The following PARD3 variants were observed in gnomAD, a reference collection of about 807,000 sequenced individuals.
The protein encoded by PARD3 is partitioning defective 3 homolog.
Under a neutral mutation model 155.4 loss-of-function variants are expected in PARD3, and 75 were observed. The observed-to-expected ratio is 0.48, with a 90% CI of 0.40 to 0.58. PARD3 has a LOEUF of 0.58. Among genes scored for constraint, PARD3 ranks in the 20% least tolerant of loss-of-function variants. PARD3 has a pLI of 0.00. For missense variants in PARD3, 1,642 were observed against 1,721.7 expected, an observed-to-expected ratio of 0.95 and a Z score of 0.82; for synonymous variants, 576 against 610.5, an observed-to-expected ratio of 0.94 and a Z score of 0.83.
Position 34,455,094 on chromosome 10 carries a change from C to T in PARD3, c.583-4646G>A, listed in dbSNP as rs898367424. Among the ~76,000 whole-genome samples, 6 of 152,200 alleles carry T rather than the reference C, an allele frequency of 3.9e-5. No homozygotes were observed. In the South Asian group the frequency reaches 1.2e-3, roughly 31 times the overall value. On this transcript the variant is annotated intron_variant, in intron 4 of 24. Coordinates refer to ENST00000374788, the MANE Select transcript of PARD3 (RefSeq NM_001184785.2). ...GATTTCTTGGCAAGACTATATCCCT[C>T]TGTTGCAGAAGTCAGAACTGGGGTT...
At chr10:34,233,447 G>C (rs1953046206) in intron 22 of PARD3, among the ~76,000 whole-genome samples, 1 of 151,870 alleles carries the variant, frequency 6.6e-6, no homozygotes, top group South Asian at 2.1e-4. Context: ...CCATTTCCAT[G>C]GTTTTAAATA....
intron 2 of PARD3, among the ~76,000 whole-genome samples, chr10:34,650,734 G>A (rs116464020): frequency 0.017 from 2,592 of 152,166 alleles, 71 homozygotes; most frequent in African/African-American, 0.059. Flanking sequence ...CAGTCCAGCC[G>A]GGCACAGCGG....
chr10:34,201,288 A>G (rs1234879685), intron 22 of PARD3, among the ~76,000 whole-genome samples: 1 of 152,226 alleles, frequency 6.6e-6, no homozygotes, highest in Non-Finnish European at 1.5e-5. Context: ...CTGTTCACTA[A>G]TACTTCTGTT....
rs569343716 is a variant in PARD3 at position 34,611,015 on chromosome 10, T to TA, written c.222+85302dup. Among the ~76,000 whole-genome samples the TA allele has an allele frequency of 1.4e-4, 21 of 152,268 alleles. 1 individual carries two copies. The East Asian group carries it at 3.5e-3, about 25-fold the overall frequency. On this transcript the variant is annotated intron_variant, in intron 2 of 24. Coordinates refer to ENST00000374788, the MANE Select transcript of PARD3 (RefSeq NM_001184785.2). ...AAGTAAGTTGCTTTCTTTTCCTTTT[T>TA]AAAAAATACCTAGTTGCTGAAAATA...
chr10:34,345,454 T>C (rs1185464492), intron 15 of PARD3: 1 of 985,132 alleles, frequency 1.0e-6, no homozygotes, highest in African/African-American at 1.7e-5. Flanking sequence ...GTTCCTTTTG[T>C]ATCATAGCAG....
intron 4 of PARD3, among the ~76,000 whole-genome samples, chr10:34,460,184 A>T (rs932195596): frequency 3.9e-5 from 6 of 152,178 alleles, no homozygotes; most frequent in Non-Finnish European, 8.8e-5. Context: ...CATGTTCTCT[A>T]AAAAGGATAT....
chr10:34,522,725 C>T (rs543656298), intron 2 of PARD3, among the ~76,000 whole-genome samples: 101 of 152,258 alleles, frequency 6.6e-4, no homozygotes, highest in African/African-American at 2.4e-3. Context: ...AAATGAAGAC[C>T]TTCCACAGAC....
chr10:34,664,999 G>A (rs1303266106), intron 2 of PARD3, among the ~76,000 whole-genome samples: 2 of 151,866 alleles, frequency 1.3e-5, no homozygotes, highest in Non-Finnish European at 2.9e-5. Flanking sequence ...AAGAGAGAGG[G>A]AGAGACAGAG....
At chr10:34,743,063 T>A (rs1449424602) in intron 1 of PARD3, among the ~76,000 whole-genome samples, 1 of 152,244 alleles carries the variant, frequency 6.6e-6, no homozygotes, top group Non-Finnish European at 1.5e-5. Flanking sequence ...GAAGGCCTAA[T>A]AGTATGCACT....
chr10:34,642,869 G>A (rs12249498), intron 2 of PARD3, among the ~76,000 whole-genome samples: 3,049 of 152,122 alleles, frequency 0.02, 78 homozygotes, highest in African/African-American at 0.06. Context: ...CCTTATTAAC[G>A]CTCAAGCCTG....
At chr10:34,442,559 A>G (rs927876316) in intron 5 of PARD3, among the ~76,000 whole-genome samples, 1 of 152,162 alleles carries the variant, frequency 6.6e-6, no homozygotes, top group Non-Finnish European at 1.5e-5. Context: ...AAGGCCTCAC[A>G]TTCGTTAAAA....
intron 22 of PARD3, among the ~76,000 whole-genome samples, chr10:34,190,840 C>T (rs895556907): frequency 2.6e-5 from 4 of 151,820 alleles, no homozygotes; most frequent in Non-Finnish European, 4.4e-5. Context: ...TGGAGGATGC[C>T]GGTGGGGAGG....
chr10:34,184,036 T>C (rs1950379807), intron 22 of PARD3, among the ~76,000 whole-genome samples: 1 of 152,184 alleles, frequency 6.6e-6, no homozygotes, highest in Non-Finnish European at 1.5e-5. Flanking sequence ...CAGGCTGGTC[T>C]CTAACTCCTA....
At chr10:34,622,202 A>T (rs1241199321) in intron 2 of PARD3, among the ~76,000 whole-genome samples, 2 of 152,242 alleles carry the variant, frequency 1.3e-5, no homozygotes, top group Non-Finnish European at 2.9e-5. Context: ...TATAAAACTC[A>T]ATTTGGAAAA....
chr10:34,567,458 G>A (rs902466262), intron 2 of PARD3, among the ~76,000 whole-genome samples: 11 of 152,166 alleles, frequency 7.2e-5, no homozygotes, highest in African/African-American at 1.4e-4. Context: ...CATTTAAACC[G>A]CCAAGTCATT....
At chr10:34,163,752 A>C (rs1329577511) in intron 22 of PARD3, among the ~76,000 whole-genome samples, 2 of 152,192 alleles carry the variant, frequency 1.3e-5, no homozygotes, top group African/African-American at 4.8e-5. Flanking sequence ...GAGAGATGTG[A>C]TCTGCTCACG....
chr10:34,162,282 T>C (rs976096378), intron 22 of PARD3, among the ~76,000 whole-genome samples: 12 of 152,172 alleles, frequency 7.9e-5, no homozygotes, highest in African/African-American at 2.7e-4. Context: ...GCCATCAGCT[T>C]GGATATATAG....
At chr10:34,366,364 G>C (rs1271947014) in intron 12 of PARD3, among the ~76,000 whole-genome samples, 1 of 152,188 alleles carries the variant, frequency 6.6e-6, no homozygotes, top group Non-Finnish European at 1.5e-5. Context: ...CTGGGTTACA[G>C]CGTTGTAGGT....
At chr10:34,721,838 A>C (rs1458190127) in intron 1 of PARD3, among the ~76,000 whole-genome samples, 1 of 152,182 alleles carries the variant, frequency 6.6e-6, no homozygotes, top group African/African-American at 2.4e-5. Flanking sequence ...GCATGTACTA[A>C]ATTATAACAT....
Sources: gnomAD v4.1 joint callset for allele counts (sites outside exome capture counted in the v4.1 genomes callset) on GRCh38, gnomAD v4.1.1 for gene constraint, MANE v1.5 for transcripts, NCBI Gene and HGNC (gene_info 2026-07-23, HGNC 2026-07-21) for gene names.